The following RIMS1 variants were observed in gnomAD, a reference collection of about 807,000 sequenced individuals.
The protein encoded by RIMS1 is regulating synaptic membrane exocytosis protein 1.
Under a neutral mutation model 214.1 loss-of-function variants are expected in RIMS1, and 83 were observed. The ratio of observed to expected loss-of-function variants is 0.39; its 90% CI spans 0.32 to 0.47. The LOEUF is 0.47. Among genes scored for constraint, RIMS1 ranks in the 20% least tolerant of loss-of-function variants. The pLI, the probability that RIMS1 is intolerant of heterozygous loss-of-function variation, is 0.99. For missense variants in RIMS1, 2,050 were observed against 2,161.8 expected (o/e 0.95, Z 1.03); for synonymous variants, 793 against 786.8 (o/e 1.01, Z -0.13).
chr6:72,241,318 G>T (rs1042040710), intron 9 of RIMS1, among the ~76,000 whole-genome samples: 2 of 152,076 alleles, frequency 1.3e-5, no homozygotes. Context: ...ATAAGCATGA[G>T]CATCAACAAA....
At chr6:71,982,581 A>G (rs1798775250) in intron 2 of RIMS1, among the ~76,000 whole-genome samples, 1 of 152,136 alleles carries the variant, frequency 6.6e-6, no homozygotes, top group Non-Finnish European at 1.5e-5. Context: ...ACAGTCACAC[A>G]GATGGGAAAC....
intron 4 of RIMS1, among the ~76,000 whole-genome samples, chr6:72,104,167 C>A (rs1255497169): frequency 1.3e-5 from 2 of 152,040 alleles, no homozygotes; most frequent in Non-Finnish European, 2.9e-5. Flanking sequence ...CTAACTATCC[C>A]TAGGATGCAA....
chr6:72,220,079 C>T (rs1358932231), intron 6 of RIMS1, among the ~76,000 whole-genome samples: 1 of 152,012 alleles, frequency 6.6e-6, no homozygotes, highest in Non-Finnish European at 1.5e-5. Context: ...TATATGTACT[C>T]ACAAAGCTCA....
intron 1 of RIMS1, among the ~76,000 whole-genome samples, chr6:71,912,610 A>G (rs1777258451): frequency 1.3e-5 from 2 of 152,134 alleles, no homozygotes; most frequent in South Asian, 2.1e-4. Flanking sequence ...ACTCGTTGCA[A>G]TGACCAAGAA....
rs780565583 is a variant in RIMS1, at chr6:71,887,060, C to T, written c.37C>T (p.Pro13Ser). Residue 13 changes from proline to serine, a missense_variant, in exon 1 of 34, where the codon CCC (proline) becomes TCC (serine). This residue lies in a region of RIMS1 where 882 missense variants were observed against 828.9 expected (regional missense o/e 1.06). Transcript: ENST00000521978. Reference protein sequence around the residue: ...SAVGPRGPRPPTVPPPMQELP... With the variant: ...SAVGPRGPRPSTVPPPMQELP... ...CGTGGGGCCCCGCGGTCCTCGCCCA[C>T]CCACGGTGCCTCCCCCCATGCAAGA... 7 of 1,613,436 alleles carry T rather than the reference C, an allele frequency of 4.3e-6. No individual in the cohort carries two copies. The highest frequency in any genetic ancestry group is 1.1e-5 in the South Asian group (1 of 90,962).
intron 4 of RIMS1, among the ~76,000 whole-genome samples, chr6:72,138,204 T>C (rs2041619860): frequency 6.6e-6 from 1 of 152,220 alleles, no homozygotes; most frequent in South Asian, 2.1e-4. Flanking sequence ...GAAATGTGTA[T>C]ACATCATTTT....
At chr6:72,000,964 C>T (rs570432725) in intron 2 of RIMS1, among the ~76,000 whole-genome samples, 1 of 152,176 alleles carries the variant, frequency 6.6e-6, no homozygotes, top group East Asian at 1.9e-4. Flanking sequence ...GTTGTACATT[C>T]TGTCAACTAA....
rs748019898 is a variant in RIMS1 at position 72,182,775 on chromosome 6, A to T, written c.1304A>T (p.Glu435Val). The T allele has an allele frequency of 1.9e-6, 3 of 1,545,372 alleles. No individual in the cohort carries two copies. In the South Asian group the frequency reaches 3.6e-5, roughly 18 times the overall value. Residue 435 changes from glutamate to valine, a missense_variant, in exon 6 of 34, where the codon GAG (glutamate) becomes GTG (valine). Physicochemically the swap from Glu to Val is moderately radical, Grantham distance 121. Transcript: ENST00000521978. ...GCTTACTCGGCTGAGAGAACTGCGG[A>T]GACCAGGGCGCCGGGCGCCAAGCAG... ...PRAYSAERTA[E>V]TRAPGAKQLT... is the part of the protein sequence containing the mutation.
In RIMS1 at chr6:72,201,388, G is replaced by A. The variant is rs141493595; in HGVS notation, c.1678+18239G>A. Among the ~76,000 whole-genome samples, 35 of 152,326 alleles carry A rather than the reference G, an allele frequency of 2.3e-4. No homozygotes were observed. In the Middle Eastern group the frequency reaches 0.01, roughly 44 times the overall value. On this transcript the variant is annotated intron_variant, in intron 6 of 33. Transcript: ENST00000521978. ...GATATTGAAGATTTCAGTATCACCT[G>A]TTTTATCTCAGTAAGTTGTTCTTTG...
At chr6:72,284,731 A>G (rs963804596) in intron 24 of RIMS1, among the ~76,000 whole-genome samples, 4 of 152,128 alleles carry the variant, frequency 2.6e-5, no homozygotes, top group African/African-American at 9.7e-5. Context: ...ATTGCAACTA[A>G]CATATATTCA....
intron 9 of RIMS1, among the ~76,000 whole-genome samples, chr6:72,238,376 G>T (rs1562930275): frequency 6.6e-6 from 1 of 151,924 alleles, no homozygotes; most frequent in Non-Finnish European, 1.5e-5. Context: ...CAGGGGCAGT[G>T]TTTTTTATAA....
At chr6:72,185,778 T>C (rs1020212514) in intron 6 of RIMS1, among the ~76,000 whole-genome samples, 6 of 152,162 alleles carry the variant, frequency 3.9e-5, no homozygotes, top group African/African-American at 1.4e-4. Flanking sequence ...TTACTATGCA[T>C]TGCCATAAAG....
At chr6:72,258,940 G>T in intron 17 of RIMS1, 46 bp from the exon 18 acceptor site, 1 of 1,591,100 alleles carries the variant, frequency 6.3e-7, no homozygotes, top group Non-Finnish European at 8.6e-7. Flanking sequence ...GCCTGTTTTG[G>T]GAAGATGATA....
intron 1 of RIMS1, among the ~76,000 whole-genome samples, chr6:71,933,625 GA>G (rs1344272630): frequency 2.0e-5 from 3 of 151,604 alleles, no homozygotes; most frequent in Non-Finnish European, 4.4e-5. Flanking sequence ...TGGTGTGAGG[GA>G]GAGGATTTTA....
chr6:72,122,960 G>C (rs2038724169), intron 4 of RIMS1, among the ~76,000 whole-genome samples: 1 of 151,600 alleles, frequency 6.6e-6, no homozygotes, highest in Non-Finnish European at 1.5e-5. Flanking sequence ...GTTTTTTTGT[G>C]TCTCTATCTC....
chr6:71,933,804 G>A (rs894392567), intron 1 of RIMS1, among the ~76,000 whole-genome samples: 5 of 151,542 alleles, frequency 3.3e-5, no homozygotes, highest in Admixed American at 6.6e-5. Context: ...TAACACAGTC[G>A]TTCCAGAGCT....
chr6:72,380,880 G>C (rs1354538505), intron 29 of RIMS1, among the ~76,000 whole-genome samples: 1 of 151,974 alleles, frequency 6.6e-6, no homozygotes, highest in African/African-American at 2.4e-5. Flanking sequence ...GTCCATTCCA[G>C]TATTTGGGGC....
intron 26 of RIMS1, among the ~76,000 whole-genome samples, chr6:72,292,784 A>C (rs929126408): frequency 2.1e-4 from 32 of 152,262 alleles, no homozygotes; most frequent in Admixed American, 2.0e-3. Context: ...GTTTTTAATC[A>C]GGAATTTGGT....
intron 12 of RIMS1, among the ~76,000 whole-genome samples, 200 bp downstream of exon 12, chr6:72,248,327 T>G (rs1486862553): frequency 6.6e-6 from 1 of 152,204 alleles, no homozygotes; most frequent in Non-Finnish European, 1.5e-5. Flanking sequence ...ACTGAGTGCT[T>G]GCAGTGTGCC....
Sources: allele counts gnomAD v4.1 joint callset (sites outside exome capture counted in the v4.1 genomes callset), GRCh38; gene constraint gnomAD v4.1.1; regional missense constraint gnomAD v4.1.1; transcripts MANE v1.5; gene names NCBI Gene and HGNC (gene_info 2026-07-23, HGNC 2026-07-21).